The following TEP1 variants were observed in gnomAD, a reference collection of about 807,000 sequenced individuals.
The protein encoded by TEP1 is telomerase associated protein 1.
A neutral mutation model predicts 306.3 loss-of-function variants in TEP1; 241 were observed. The ratio of observed to expected loss-of-function variants is 0.79; its 90% CI spans 0.71 to 0.88. The LOEUF (loss-of-function observed/expected upper bound fraction) is 0.88, where lower values mean the gene tolerates loss of function less well. Ranked by LOEUF, TEP1 falls within the 40% of genes least tolerant of loss-of-function variation. The probability of loss-of-function intolerance (pLI) is 0.00; values close to 1 mark genes in which losing one functional copy is unlikely to be tolerated. For missense variants in TEP1, 3,051 were observed against 3,276.1 expected (o/e 0.93, Z 1.68); for synonymous variants, 1,289 against 1,305.5 (o/e 0.99, Z 0.27).
chr14:20,377,426 T>A lies in TEP1; in HGVS notation c.5942A>T (p.Lys1981Met). Reference sequence around the variant, plus strand: ...ATCTTCTGCACCACTCACCAATACCTTGGGGCTTAGCCAGGCCAGGGCGGA... The same window carrying A: ...ATCTTCTGCACCACTCACCAATACCATGGGGCTTAGCCAGGCCAGGGCGGA... ...AVSALAWLSP[K>M]VLVSGAEDGS... Residue 1981 changes from lysine (K) to methionine (M), a missense_variant, in exon 41 of 55, where the codon AAG becomes ATG. Physicochemically the swap from Lys to Met is moderately conservative, Grantham distance 95. Around this residue, in one of 3 missense-constraint regions of TEP1, gnomAD observed 1,540 missense variants for 1,705.9 expected, o/e 0.90. Coordinates refer to ENST00000262715, the MANE Select transcript of TEP1 (RefSeq NM_007110.5). 6.2e-7 allele frequency: 1 copy of A among 1,614,052 alleles called. No homozygotes were observed. The highest frequency in any genetic ancestry group is 8.5e-7 in the Non-Finnish European group (1 of 1,179,998).
chr14:20,376,173 A>G lies in TEP1; in HGVS notation c.6180T>C (p.His2060=). 1 of 1,614,134 alleles carries G rather than the reference A, an allele frequency of 6.2e-7. No homozygotes were observed. Among genetic ancestry groups the G allele is most frequent in the Non-Finnish European group, 8.5e-7 (1 of 1,180,008 alleles). Residue 2060 remains histidine (H), a synonymous_variant, in exon 42 of 55, where the codon CAT becomes CAC. Transcript: ENST00000262715. ...DFPCGTELRG[H]EGPVSCCSFS... Reference sequence around the variant, plus strand: ...AACTACAGCAGCTCACAGGGCCCTCATGTCCCCGCAGCTCAGTGCCACAGG... The same window carrying G: ...AACTACAGCAGCTCACAGGGCCCTCGTGTCCCCGCAGCTCAGTGCCACAGG...
chr14:20,391,539 C>A, intron 13 of TEP1, 60 bp downstream of exon 13: 1 of 1,553,320 alleles, frequency 6.4e-7, no homozygotes, highest in Non-Finnish European at 8.8e-7. Context: ...CAGGATACTG[C>A]TCAGGATCCC....
rs200020744 is a variant in TEP1 at position 20,408,116 on chromosome 14, C to G, written c.324G>C (p.Glu108Asp). Residue 108 changes from glutamate (E) to aspartate (D), a missense_variant, in exon 2 of 55, where the codon GAG (glutamate) becomes GAC (aspartate). Glu to Asp is a conservative substitution (Grantham distance 45). Coordinates refer to ENST00000262715, the MANE Select transcript of TEP1 (RefSeq NM_007110.5). ...VSAHPDILSLENRCLATLSSL... is the reference protein window; with the variant it reads ...VSAHPDILSLDNRCLATLSSL... ...TAGAGAGGGTGGCCAGGCACCGGTT[C>G]TCCAAGGAGAGGATGTCTGGGTGGG... 2.3e-5 allele frequency: 37 copies of G among 1,609,900 alleles called. No homozygotes were observed. The highest frequency in any genetic ancestry group is 3.0e-5 in the Non-Finnish European group (35 of 1,177,456).
intron 9 of TEP1, among the ~76,000 whole-genome samples, chr14:20,399,353 T>C (rs1878471919): frequency 6.6e-6 from 1 of 152,316 alleles, no homozygotes; most frequent in Admixed American, 6.5e-5. Context: ...TCCAATATCA[T>C]ACTGGTGATA....
At chr14:20,398,744 G>C (rs1023598128) in intron 9 of TEP1, among the ~76,000 whole-genome samples, 3 of 152,134 alleles carry the variant, frequency 2.0e-5, no homozygotes, top group Non-Finnish European at 4.4e-5. Flanking sequence ...TTAGAGGCCA[G>C]GCCGGTCAGT....
chr14:20,403,272 T>A, intron 7 of TEP1, 105 bp downstream of exon 7: 4 of 1,374,658 alleles, frequency 2.9e-6, no homozygotes, highest in Non-Finnish European at 4.0e-6. Context: ...CAGCCAAGAA[T>A]CCCCAGGAAG....
Position 20,378,263 on chromosome 14 carries a change from G to T in TEP1, c.5509-27C>A, listed in dbSNP as rs749829957. 9.9e-6 allele frequency: 16 copies of T among 1,613,238 alleles called. No individual in the cohort carries two copies. The South Asian group carries it at 1.6e-4, about 17-fold the overall frequency. ...TACACAGGGAGGTAGAAATGGAAAC[G>T]TGAAGACCTGCTCTCAGCAAAATCT... On this transcript the variant is annotated intron_variant, in intron 38 of 54. Coordinates refer to ENST00000262715, the MANE Select transcript of TEP1 (RefSeq NM_007110.5).
At chr14:20,412,362 A>C (rs1175905591) in intron 1 of TEP1, among the ~76,000 whole-genome samples, 1 of 152,134 alleles carries the variant, frequency 6.6e-6, no homozygotes, top group Admixed American at 6.5e-5. Flanking sequence ...CCTTAAAAGG[A>C]CAGTCTCACT....
In TEP1 at chr14:20,401,077, C is replaced by T. The variant is rs765291372; in HGVS notation, c.1456G>A (p.Ala486Thr). ...CTAGACAGCTTCATCCTCTTCCCAG[C>T]TCTGCTAGAATCCCAAGGCCCAGGA... ...RLPGPWDSSR[A>T]GKRMKLSRPE... is the part of the protein sequence containing the mutation. Residue 486 changes from alanine (A) to threonine (T), a missense_variant, in exon 9 of 55, where the codon GCT (alanine) becomes ACT (threonine). Coordinates refer to ENST00000262715, the MANE Select transcript of TEP1 (RefSeq NM_007110.5). 7 of 1,614,202 alleles carry T rather than the reference C, an allele frequency of 4.3e-6. No individual in the cohort carries two copies. The South Asian group carries it at 5.5e-5, about 13-fold the overall frequency.
At chr14:20,400,294 G>A (rs1878566146) in intron 9 of TEP1, among the ~76,000 whole-genome samples, 3 of 150,400 alleles carry the variant, frequency 2.0e-5, no homozygotes, top group Non-Finnish European at 4.4e-5. Context: ...TTGTGTGTGG[G>A]TGCGTGTGTG....
chr14:20,367,045 T>C lies in TEP1; in HGVS notation c.*1392A>G, dbSNP rs192644194. 6 of 152,338 alleles carry C rather than the reference T, an allele frequency of 3.9e-5. No individual in the cohort carries two copies. Among genetic ancestry groups the C allele is most frequent in the Non-Finnish European group, 5.9e-5 (4 of 68,028 alleles). The allele number at this position is 152,338 out of a possible 1,614,324, so 9.4% of individuals were successfully genotyped here. A position where few individuals can be genotyped will look rare whatever the true frequency, so the allele number is the denominator to read the frequency against. On this transcript the variant is annotated 3_prime_UTR_variant, in exon 55 of 55. Coordinates refer to ENST00000262715, the MANE Select transcript of TEP1 (RefSeq NM_007110.5). ...AACCTGCTCAATAGATTCTTCCATA[T>C]GATTGAATTTTAGAAATATAATAAA...
In TEP1 at chr14:20,383,757, G is replaced by T; in HGVS notation, c.3696C>A (p.Leu1232=). 6.2e-7 allele frequency: 1 copy of T among 1,611,608 alleles called. No homozygotes were observed. The change falls in exon 25 of 55, where the codon CTC becomes CTA. Residue 1232 remains leucine, a synonymous_variant. Coordinates refer to ENST00000262715, the MANE Select transcript of TEP1 (RefSeq NM_007110.5). ...LRGQLKEPGA[L]PSTYRSLVWE... is the part of the protein sequence containing the mutation. Reference sequence around the variant, plus strand: ...GGGATACCCACCGGTAGGTGCTGGGGAGGGCACCTGGCTCTTTTAGTTGGC... The same window carrying T: ...GGGATACCCACCGGTAGGTGCTGGGTAGGGCACCTGGCTCTTTTAGTTGGC...
chr14:20,410,462 A>G (rs1481573752), intron 1 of TEP1, among the ~76,000 whole-genome samples: 5 of 151,914 alleles, frequency 3.3e-5, no homozygotes, highest in East Asian at 1.9e-4. Context: ...TTGCTCTGTC[A>G]CCCAGGCTGG....
intron 1 of TEP1, among the ~76,000 whole-genome samples, chr14:20,410,020 C>A (rs1879521011): frequency 1.0e-4 from 6 of 58,956 alleles, no homozygotes; most frequent in African/African-American, 1.3e-4. Context: ...GACTCTGTCT[C>A]AAAAAAAAAA....
intron 9 of TEP1, among the ~76,000 whole-genome samples, chr14:20,400,497 CAAAAAA>C (rs71108598): frequency 1.2e-4 from 10 of 85,470 alleles, no homozygotes; most frequent in Admixed American, 3.8e-4. Context: ...AAAAGTAGAC[CAAAAAA>C]AAAAAAAAAA....
intron 43 of TEP1, among the ~76,000 whole-genome samples, chr14:20,375,048 G>A (rs928464961): frequency 2.7e-5 from 4 of 146,582 alleles, no homozygotes; most frequent in Non-Finnish European, 3.0e-5. Flanking sequence ...CAGAGATTGC[G>A]CCACTGCACT....
chr14:20,386,391 C>T, intron 19 of TEP1, 56 bp downstream of exon 19: 3 of 1,575,638 alleles, frequency 1.9e-6, no homozygotes, highest in Non-Finnish European at 2.6e-6. Flanking sequence ...CACCTCAGGT[C>T]CACCACTCAA....
chr14:20,382,784 C>T, intron 27 of TEP1, 69 bp from the exon 28 acceptor site: 2 of 1,456,764 alleles, frequency 1.4e-6, no homozygotes, highest in South Asian at 2.3e-5. Context: ...GCCCCAGCAC[C>T]AGCCCCTCTG....
At chr14:20,369,198 T>C (rs1286606804) in intron 53 of TEP1, 146 bp downstream of exon 53, 4 of 806,096 alleles carry the variant, frequency 5.0e-6, no homozygotes, top group East Asian at 2.7e-5. Flanking sequence ...TTAGTAGAGA[T>C]GGGGTTTCAC....
Sources: gnomAD v4.1 joint callset for allele counts (sites outside exome capture counted in the v4.1 genomes callset) on GRCh38, gnomAD v4.1.1 for gene constraint, gnomAD v4.1.1 regional missense constraint, MANE v1.5 for transcripts, NCBI Gene and HGNC (gene_info 2026-07-23, HGNC 2026-07-21) for gene names.